TAP2: variants seen among roughly 807,000 people sequenced by gnomAD.
The protein encoded by TAP2 is transporter 2, ATP binding cassette subfamily B member.
Under a neutral mutation model 74.7 loss-of-function variants are expected in TAP2, and 49 were observed. The observed-to-expected ratio is 0.66, with a 90% CI of 0.52 to 0.83. The LOEUF (loss-of-function observed/expected upper bound fraction) is 0.83. Ranked by LOEUF, TAP2 falls within the 40% of genes least tolerant of loss-of-function variation. The probability of loss-of-function intolerance (pLI) is 0.00; values close to 1 mark genes in which losing one functional copy is unlikely to be tolerated. For missense variants in TAP2, 739 were observed against 859.0 expected (o/e 0.86, Z 1.75); for synonymous variants, 306 against 368.4 (o/e 0.83, Z 1.94).
At position 32,830,344 on chromosome 6, in the gene TAP2, A is replaced by G. The variant is rs1330007164; in HGVS notation, c.1558T>C (p.Tyr520His). The G allele has an allele frequency of 1.2e-6, 2 of 1,612,954 alleles. No homozygotes were observed. Among genetic ancestry groups the G allele is most frequent in the Non-Finnish European group, 1.7e-6 (2 of 1,180,032 alleles). The change falls in exon 9 of 12, where the codon TAC (tyrosine) becomes CAC (histidine). Residue 520 changes from tyrosine (Y) to histidine (H), a missense_variant. Coordinates refer to ENST00000374897, the MANE Select transcript of TAP2 (RefSeq NM_001290043.2). ...STVAALLQNL[Y>H]QPTGGQVLLD... is the part of the protein sequence containing the mutation. Reference sequence around the variant, plus strand: ...AGCACCTGTCCCCCTGTGGGCTGGTACAGATTCTGCAGCAGGGCAGCCACT... The same window carrying G: ...AGCACCTGTCCCCCTGTGGGCTGGTGCAGATTCTGCAGCAGGGCAGCCACT...
intron 5 of TAP2, among the ~76,000 whole-genome samples, chr6:32,833,872 G>A (rs911668380): frequency 2.6e-5 from 4 of 152,266 alleles, no homozygotes; most frequent in Non-Finnish European, 5.9e-5. Context: ...TAAGTCTCAC[G>A]AGATATAATG....
Position 32,826,236 on chromosome 6 carries a change from GACTTGAA to G in TAP2, c.*2663_*2669del. ...GCTATCCCTGGGTGGAGGCATAAAGGACTTGAAACTCAATGCTGTTTCCACATAGGGC... is the reference window on the plus strand; with the variant it reads ...GCTATCCCTGGGTGGAGGCATAAAGGACTCAATGCTGTTTCCACATAGGGC... On this transcript the variant is annotated 3_prime_UTR_variant, in exon 12 of 12. Transcript: ENST00000374897. The G allele has an allele frequency of 2.0e-6, 2 of 985,404 alleles. No homozygotes were observed. The highest frequency in any genetic ancestry group is 1.2e-6 in the Non-Finnish European group (1 of 829,928). 61.0% of individuals were successfully genotyped at this position (985,404 alleles called of 1,614,324 possible). A position where few individuals can be genotyped will look rare whatever the true frequency, so the allele number is the denominator to read the frequency against.
rs199602264 is a variant in TAP2, at chr6:32,837,554, G to A, written c.591C>T (p.Cys197=). 22 of 1,614,034 alleles carry A rather than the reference G, an allele frequency of 1.4e-5. No individual in the cohort carries two copies. Among genetic ancestry groups the A allele is most frequent in the Middle Eastern group, 3.3e-4 (2 of 6,062 alleles). ...CCACCTACCTGCCAAAGGAGAAGAG[G>A]CACATGAAGAAGATGGCACTGGCAA... ...HAFASAIFFM[C]LFSFGSSLSA... The change falls in exon 3 of 12, where the codon TGC becomes TGT. Residue 197 remains cysteine (C), a synonymous_variant. Coordinates refer to ENST00000374897, the MANE Select transcript of TAP2 (RefSeq NM_001290043.2).
intron 11 of TAP2, 118 bp from the exon 12 acceptor site, chr6:32,829,152 A>G: frequency 6.7e-7 from 1 of 1,501,672 alleles, no homozygotes; most frequent in Non-Finnish European, 8.9e-7. Context: ...AAGGTAGGAA[A>G]GGGCAGTAGA....
Position 32,827,179 on chromosome 6 carries a change from G to A in TAP2, c.*1727C>T. ...TTGCCAGCACTGGAAACTACCTGCTGTTTCCAGGAATATGAAGGTTTCTCT... is the reference window on the plus strand; with the variant it reads ...TTGCCAGCACTGGAAACTACCTGCTATTTCCAGGAATATGAAGGTTTCTCT... On this transcript the variant is annotated 3_prime_UTR_variant, in exon 12 of 12. Coordinates refer to ENST00000374897, the MANE Select transcript of TAP2 (RefSeq NM_001290043.2). 1.0e-6 allele frequency: 1 copy of A among 985,572 alleles called. No individual in the cohort carries two copies. Among genetic ancestry groups the A allele is most frequent in the South Asian group, 4.7e-5 (1 of 21,288 alleles). 61.1% of individuals were successfully genotyped at this position (985,572 alleles called of 1,614,324 possible).
downstream of TAP2, chr6:32,822,301 G>T: frequency 6.5e-7 from 1 of 1,546,306 alleles, no homozygotes; most frequent in Non-Finnish European, 8.8e-7. Context: ...AAAATATCAT[G>T]AACTTCCAAA....
At chr6:32,823,920 G>A (rs1297779286), downstream of TAP2, among the ~76,000 whole-genome samples, 1 of 151,974 alleles carries the variant, frequency 6.6e-6, no homozygotes, top group Non-Finnish European at 1.5e-5. Context: ...ATTCCTATTA[G>A]TTTTAAATAA....
rs764775993 is a variant in TAP2, at chr6:32,830,054, G to A, written c.1671C>T (p.Ser557=). 32 of 1,612,930 alleles carry A rather than the reference G, an allele frequency of 2.0e-5. No individual in the cohort carries two copies. Among genetic ancestry groups the A allele is most frequent in the South Asian group, 5.5e-5 (5 of 91,088 alleles). ...AAGCAATGTTGTTCCTCACAGAACC[G>A]GAGAACAGCACAGGCTCCTGCCCAA... The part of the protein sequence containing the change: ...VSVGQEPVLF[S]GSVRNNIAYG... Residue 557 remains serine, a synonymous_variant, in exon 10 of 12, where the codon TCC becomes TCT. Transcript: ENST00000374897.
In TAP2 at chr6:32,826,038, G is replaced by A. The variant is rs1259819825; in HGVS notation, c.*2868C>T. 2.0e-6 allele frequency: 2 copies of A among 985,296 alleles called. No individual in the cohort carries two copies. 61.0% of individuals were successfully genotyped at this position (985,296 alleles called of 1,614,324 possible). ...CATGGAACTCTAGGTTCAAAACCCA[G>A]TTTCTTCTGGGACCATTAGATGGCA... On this transcript the variant is annotated 3_prime_UTR_variant, in exon 12 of 12. Coordinates refer to ENST00000374897, the MANE Select transcript of TAP2 (RefSeq NM_001290043.2).
rs1769353331 is a variant in TAP2, at chr6:32,835,430, G to A, written c.740-71C>T. On this transcript the variant is annotated intron_variant, in intron 4 of 11. Transcript: ENST00000374897. The surrounding 1 kb of genome is among the most constrained non-coding windows in gnomAD (Gnocchi z 4.0). ...GCAGGGCCCCCAGAAACTCCCTCCT[G>A]ACCGTTCCCTCTGACACAGCCCCCT... 12 of 1,547,158 alleles carry A rather than the reference G, an allele frequency of 7.8e-6. No homozygotes were observed. Among genetic ancestry groups the A allele is most frequent in the Non-Finnish European group, 1.1e-5 (12 of 1,125,286 alleles).
At position 32,829,505 on chromosome 6, in the gene TAP2, C is replaced by T. The variant is rs764437170; in HGVS notation, c.1827G>A (p.Ala609=). 1.1e-5 allele frequency: 17 copies of T among 1,614,190 alleles called. No homozygotes were observed. Among genetic ancestry groups the T allele is most frequent in the Middle Eastern group, 1.6e-4 (1 of 6,062 alleles). The change falls in exon 11 of 12, where the codon GCG becomes GCA. Residue 609 remains alanine (A), a synonymous_variant. Transcript: ENST00000374897. ...CAATGGCCAGACGTTGTTTCTGTCCCGCAGCCAGCTGGCTTCCCTTCTCCC... is the reference window on the plus strand; with the variant it reads ...CAATGGCCAGACGTTGTTTCTGTCCTGCAGCCAGCTGGCTTCCCTTCTCCC... ...DVGEKGSQLA[A]GQKQRLAIAR...
In TAP2 at chr6:32,825,904, T is replaced by C; in HGVS notation, c.*3002A>G. 6.2e-6 allele frequency: 5 copies of C among 805,944 alleles called. No homozygotes were observed. Among genetic ancestry groups the C allele is most frequent in the Non-Finnish European group, 7.5e-6 (5 of 666,812 alleles). The allele number at this position is 805,944 out of a possible 1,614,324, so 49.9% of individuals were successfully genotyped here. ...TAGTAATACCTGCCACATAGAATTA[T>C]CTTGAAAAATAAGGTAAGAAGACAG... On this transcript the variant is annotated 3_prime_UTR_variant, in exon 12 of 12. Transcript: ENST00000374897.
Position 32,827,771 on chromosome 6 carries a change from G to C in TAP2, c.*1135C>G, listed in dbSNP as rs1156840354. The C allele has an allele frequency of 1.2e-6, 1 of 863,846 alleles. No homozygotes were observed. Among genetic ancestry groups the C allele is most frequent in the African/African-American group, 2.2e-5 (1 of 45,460 alleles). 53.5% of individuals were successfully genotyped at this position (863,846 alleles called of 1,614,324 possible). A position where few individuals can be genotyped will look rare whatever the true frequency, so the allele number is the denominator to read the frequency against. The stretch of plus-strand genomic sequence containing the variant: ...AAAGGATCTCTGCAGCAGGGCTTGA[G>C]AGCACCTGAAGGAATTTCCAGAAAT... On this transcript the variant is annotated 3_prime_UTR_variant, in exon 12 of 12. Transcript: ENST00000374897.
At chr6:32,830,204 C>T in intron 9 of TAP2, 63 bp downstream of exon 9, 2 of 1,612,660 alleles carry the variant, frequency 1.2e-6, no homozygotes, top group Non-Finnish European at 8.5e-7. Flanking sequence ...TCCCGTGGAT[C>T]TCCCATCCTC....
Position 32,827,647 on chromosome 6 carries a change from G to T in TAP2, c.*1259C>A. 1 of 784,722 alleles carries T rather than the reference G, an allele frequency of 1.3e-6. No individual in the cohort carries two copies. The highest frequency in any genetic ancestry group is 1.5e-6 in the Non-Finnish European group (1 of 648,200). 48.6% of individuals were successfully genotyped at this position (784,722 alleles called of 1,614,324 possible). A position where few individuals can be genotyped will look rare whatever the true frequency, so the allele number is the denominator to read the frequency against. On this transcript the variant is annotated 3_prime_UTR_variant, in exon 12 of 12. Transcript: ENST00000374897. ...GAAAATGGGCAAGAAAACACCATAT[G>T]CAAAGGCACAAAGGTGTTGGGGAAG...
chr6:32,823,239 C>A (rs1768420791), downstream of TAP2, among the ~76,000 whole-genome samples: 1 of 152,080 alleles, frequency 6.6e-6, no homozygotes, highest in African/African-American at 2.4e-5. Context: ...GTCCACTTAA[C>A]TGGTCTAGTC....
In TAP2 at chr6:32,827,446, A is replaced by AG; in HGVS notation, c.*1459dup. The AG allele has an allele frequency of 1.6e-6, 1 of 642,406 alleles. No homozygotes were observed. The highest frequency in any genetic ancestry group is 1.9e-6 in the Non-Finnish European group (1 of 517,166). 39.8% of individuals were successfully genotyped at this position (642,406 alleles called of 1,614,324 possible). On this transcript the variant is annotated 3_prime_UTR_variant, in exon 12 of 12. Transcript: ENST00000374897. ...GCCCAGGTGCTCATGGTCTAGTGGA[A>AG]GGTCAAAAAAGGTGGGAAAGGGAAG...
chr6:32,832,746 C>T lies in TAP2; in HGVS notation c.1024G>A (p.Val342Ile), dbSNP rs752560617. Residue 342 changes from valine (V) to isoleucine (I), a missense_variant, in exon 6 of 12, where the codon GTT (valine) becomes ATT (isoleucine). Physicochemically the swap from Val to Ile is conservative, Grantham distance 29. Transcript: ENST00000374897. This position sits in a 1 kb window ranked among gnomAD's most constrained non-coding sequence, Gnocchi z 5.9. ...VREAVGGLQT[V>I]RSFGAEEHEV... ...TGCTCCTCGGCCCCAAAACTGCGAA[C>T]GGTCTGCAGCCCTCCAACGGCTTCC... 43 of 1,613,000 alleles carry T rather than the reference C, an allele frequency of 2.7e-5. No individual in the cohort carries two copies. The highest frequency in any genetic ancestry group is 3.3e-5 in the Non-Finnish European group (39 of 1,180,048).
rs1318814541 is a variant in TAP2 at position 32,825,452 on chromosome 6, A to T, written c.*3454T>A. The T allele has an allele frequency of 6.6e-6, 1 of 152,188 alleles. No individual in the cohort carries two copies. Among genetic ancestry groups the T allele is most frequent in the African/African-American group, 2.4e-5 (1 of 41,478 alleles). The allele number at this position is 152,188 out of a possible 1,614,324, so 9.4% of individuals were successfully genotyped here. A position where few individuals can be genotyped will look rare whatever the true frequency, so the allele number is the denominator to read the frequency against. ...TAGCCATATATTTTTAATTTAAAAAATAAAGTTCAGAACAGTGAACTTAGA... is the reference window on the plus strand; with the variant it reads ...TAGCCATATATTTTTAATTTAAAAATTAAAGTTCAGAACAGTGAACTTAGA... On this transcript the variant is annotated 3_prime_UTR_variant, in exon 12 of 12. Transcript: ENST00000374897.
Sources: gnomAD v4.1 joint callset for allele counts (sites outside exome capture counted in the v4.1 genomes callset) on GRCh38, gnomAD v4.1.1 for gene constraint, Gnocchi (gnomAD v3.1) non-coding constraint, MANE v1.5 for transcripts, NCBI Gene and HGNC (gene_info 2026-07-23, HGNC 2026-07-21) for gene names.